Variants in COP1 observed in about 807,000 individuals in gnomAD.
The protein encoded by COP1 is COP1 E3 ubiquitin ligase, also known as E3 ubiquitin-protein ligase COP1.
Under a neutral mutation model 101.3 loss-of-function variants are expected in COP1, and 24 were observed. That is an observed-to-expected ratio of 0.24 (90% CI 0.17 to 0.33). COP1 has a LOEUF of 0.33. Among genes scored for constraint, COP1 ranks in the 10% least tolerant of loss-of-function variants. COP1 has a pLI of 1.00. For synonymous variants in COP1, 347 were observed against 341.9 expected, an observed-to-expected ratio of 1.01 and a Z score of -0.17; for missense variants, 663 against 906.2, an observed-to-expected ratio of 0.73 and a Z score of 3.45.
At chr1:176,057,611 G>A (rs1290359330) in intron 11 of COP1, among the ~76,000 whole-genome samples, 3 of 152,194 alleles carry the variant, frequency 2.0e-5, no homozygotes, top group East Asian at 1.9e-4. Context: ...TGCCGGGATT[G>A]CAGACGGAGT....
At chr1:176,066,849 A>C (rs2149328145) in intron 11 of COP1, among the ~76,000 whole-genome samples, 1 of 152,260 alleles carries the variant, frequency 6.6e-6, no homozygotes, top group Middle Eastern at 3.4e-3. Flanking sequence ...GTTCAGCACT[A>C]AGACAAGTAA....
chr1:176,206,520 G>C (rs1277780762), intron 1 of COP1, 52 bp downstream of exon 1: 1 of 1,570,692 alleles, frequency 6.4e-7, no homozygotes, highest in Non-Finnish European at 8.6e-7. Flanking sequence ...CCAAGCCTAA[G>C]CGGCAGAAAC....
intron 3 of COP1, among the ~76,000 whole-genome samples, chr1:176,170,394 A>G (rs1695855001): frequency 6.6e-6 from 1 of 152,166 alleles, no homozygotes; most frequent in Non-Finnish European, 1.5e-5. Flanking sequence ...CTGAAAGTCA[A>G]AATTACTCCT....
At chr1:176,017,706 G>A (rs1665917521) in intron 15 of COP1, 1 of 152,162 alleles carries the variant, frequency 6.6e-6, no homozygotes, top group Non-Finnish European at 1.5e-5. Flanking sequence ...TATATTTTTA[G>A]TAGAGATGAA....
chr1:176,032,880 A>G (rs1668863953), intron 14 of COP1, among the ~76,000 whole-genome samples: 1 of 152,138 alleles, frequency 6.6e-6, no homozygotes, highest in African/African-American at 2.4e-5. Context: ...AGTCTTTAAC[A>G]TTTCATTTAA....
chr1:175,961,599 G>A (rs990891146), intron 18 of COP1, among the ~76,000 whole-genome samples: 3 of 151,522 alleles, frequency 2.0e-5, no homozygotes, highest in African/African-American at 7.3e-5. Context: ...GGGAGGCTGA[G>A]GCGGGAGGAT....
chr1:176,058,328 G>C (rs901101815), intron 11 of COP1, among the ~76,000 whole-genome samples: 1 of 152,196 alleles, frequency 6.6e-6, no homozygotes, highest in African/African-American at 2.4e-5. Flanking sequence ...AATAGAAAAG[G>C]GGGAAAGGTG....
At chr1:176,153,390 T>C (rs1322286730) in intron 5 of COP1, among the ~76,000 whole-genome samples, 1 of 152,146 alleles carries the variant, frequency 6.6e-6, no homozygotes, top group African/African-American at 2.4e-5. Flanking sequence ...AGTTCCCAAG[T>C]CTTTGTACTG....
At chr1:176,065,006 T>C (rs1246968897) in intron 11 of COP1, among the ~76,000 whole-genome samples, 1 of 152,220 alleles carries the variant, frequency 6.6e-6, no homozygotes, top group Non-Finnish European at 1.5e-5. Flanking sequence ...CTCCCCTTTA[T>C]AATTTAGAGA....
chr1:176,139,288 C>CAAAAAAAAAA (rs563184945), intron 6 of COP1, among the ~76,000 whole-genome samples: 12 of 108,366 alleles, frequency 1.1e-4, no homozygotes, highest in African/African-American at 2.5e-4. Context: ...ACAAAAAAAA[C>CAAAAAAAAAA]AAAAAAAAAA....
rs1674715559 is a variant in COP1 at position 176,060,861 on chromosome 1, T to C, written c.1278-14537A>G. On this transcript the variant is annotated intron_variant, in intron 11 of 19. Transcript: ENST00000367669. The stretch of plus-strand genomic sequence containing the variant: ...ATTTTGTGTTTCTTATAAAAATAAG[T>C]AGTAAAAAACACTGAAGAAAAATAT... 2.0e-5 allele frequency among the ~76,000 whole-genome samples: 3 copies of C among 152,082 alleles called. 1 individual carries two copies. The South Asian group carries it at 6.2e-4, about 31-fold the overall frequency.
intron 15 of COP1, among the ~76,000 whole-genome samples, chr1:175,991,573 C>G (rs1056425231): frequency 1.3e-5 from 2 of 152,152 alleles, no homozygotes; most frequent in African/African-American, 4.8e-5. Flanking sequence ...CCTTACCTTA[C>G]AGTGATTTTC....
intron 5 of COP1, among the ~76,000 whole-genome samples, chr1:176,153,300 A>G (rs1230509220): frequency 1.3e-5 from 2 of 152,166 alleles, no homozygotes; most frequent in African/African-American, 2.4e-5. Flanking sequence ...GAATAACAAA[A>G]TAAGGCAATA....
intron 11 of COP1, among the ~76,000 whole-genome samples, chr1:176,064,074 T>G (rs1439527717): frequency 2.0e-5 from 3 of 152,160 alleles, no homozygotes; most frequent in African/African-American, 7.2e-5. Context: ...CAATTAAAAG[T>G]ATAAAAACCA....
chr1:176,091,609 G>A (rs1488700024), intron 9 of COP1, among the ~76,000 whole-genome samples: 1 of 152,090 alleles, frequency 6.6e-6, no homozygotes, highest in Non-Finnish European at 1.5e-5. Context: ...GTTCAGGAAG[G>A]TAATTAAGAT....
chr1:175,947,770 G>T (rs1571212428), intron 18 of COP1, among the ~76,000 whole-genome samples: 1 of 152,050 alleles, frequency 6.6e-6, no homozygotes, highest in African/African-American at 2.4e-5. Context: ...AAGCAGAGTA[G>T]GACACTTTTG....
At chr1:176,019,183 G>A (rs1666223889) in intron 15 of COP1, among the ~76,000 whole-genome samples, 1 of 149,038 alleles carries the variant, frequency 6.7e-6, no homozygotes, top group African/African-American at 2.5e-5. Flanking sequence ...AATAAATCAT[G>A]GCCGGGTGTG....
At chr1:176,137,995 C>A (rs1045718361) in intron 6 of COP1, among the ~76,000 whole-genome samples, 6 of 151,956 alleles carry the variant, frequency 3.9e-5, no homozygotes, top group Non-Finnish European at 8.8e-5. Flanking sequence ...TGATGGTATA[C>A]AACGTATTAA....
intron 9 of COP1, among the ~76,000 whole-genome samples, chr1:176,088,928 G>A (rs1680732653): frequency 6.7e-6 from 1 of 148,448 alleles, no homozygotes; most frequent in Non-Finnish European, 1.5e-5. Flanking sequence ...CCAGGAGGCA[G>A]AGGCTGAAGT....
Sources: gnomAD v4.1 joint callset for allele counts (sites outside exome capture counted in the v4.1 genomes callset) on GRCh38, gnomAD v4.1.1 for gene constraint, MANE v1.5 for transcripts, NCBI Gene and HGNC (gene_info 2026-07-23, HGNC 2026-07-21) for gene names.